Variants in DENND1A observed in about 807,000 individuals in gnomAD.
DENND1A encodes DENN domain containing 1A.
A neutral mutation model predicts 113.7 loss-of-function variants in DENND1A; 51 were observed. That is an observed-to-expected ratio of 0.45 (90% CI 0.36 to 0.57). DENND1A has a LOEUF of 0.57. Ranked by LOEUF, DENND1A falls within the 20% of genes least tolerant of loss-of-function variation. The probability of loss-of-function intolerance (pLI) is 0.00; values close to 1 mark genes in which losing one functional copy is unlikely to be tolerated. For synonymous variants in DENND1A, 565 were observed against 570.8 expected (o/e 0.99, Z 0.14); for missense variants, 1,258 against 1,395.9 (o/e 0.90, Z 1.57).
intron 1 of DENND1A, among the ~76,000 whole-genome samples, chr9:123,891,788 C>T (rs1399646428): frequency 6.6e-6 from 1 of 152,256 alleles, no homozygotes. Flanking sequence ...TCTGAAACAA[C>T]CAAAATTCCA....
At chr9:123,482,683 C>T (rs901914880) in intron 13 of DENND1A, among the ~76,000 whole-genome samples, 56 of 152,338 alleles carry the variant, frequency 3.7e-4, no homozygotes, top group African/African-American at 1.1e-3. Flanking sequence ...CCCCCTGGGA[C>T]AATGGCCTTG....
chr9:123,426,657 T>C (rs780009487), intron 19 of DENND1A, among the ~76,000 whole-genome samples: 3 of 152,196 alleles, frequency 2.0e-5, no homozygotes, highest in Non-Finnish European at 2.9e-5. Flanking sequence ...GGGCAATCAG[T>C]CAGCCATTCT....
intron 5 of DENND1A, among the ~76,000 whole-genome samples, chr9:123,730,025 A>C (rs2068042868): frequency 6.6e-6 from 1 of 152,248 alleles, no homozygotes; most frequent in Non-Finnish European, 1.5e-5. Context: ...TCCCTATTTA[A>C]TAAATGGTGT....
At chr9:123,881,778 T>C (rs1303361141) in intron 1 of DENND1A, among the ~76,000 whole-genome samples, 2 of 152,170 alleles carry the variant, frequency 1.3e-5, no homozygotes, top group Non-Finnish European at 2.9e-5. Flanking sequence ...TTCTGCTGCT[T>C]CTTCCTTTCT....
intron 3 of DENND1A, among the ~76,000 whole-genome samples, chr9:123,792,298 C>G (rs538372104): frequency 6.6e-6 from 1 of 152,222 alleles, no homozygotes; most frequent in South Asian, 2.1e-4. Flanking sequence ...AAAGGATTTC[C>G]TAATGAAGTG....
At chr9:123,864,410 C>T (rs1405510100) in intron 2 of DENND1A, among the ~76,000 whole-genome samples, 1 of 152,136 alleles carries the variant, frequency 6.6e-6, no homozygotes, top group African/African-American at 2.4e-5. Flanking sequence ...GATTCCAGAC[C>T]ACAGGGCAGT....
At chr9:123,493,720 G>A (rs112261826) in intron 13 of DENND1A, among the ~76,000 whole-genome samples, 42 of 152,276 alleles carry the variant, frequency 2.8e-4, no homozygotes, top group Non-Finnish European at 5.7e-4. Context: ...TAGTGGTACC[G>A]AAGAATAGCC....
chr9:123,592,387 A>AATCCT (rs150325728), intron 11 of DENND1A, among the ~76,000 whole-genome samples: 3,816 of 152,304 alleles, frequency 0.025, 125 homozygotes, highest in African/African-American at 0.08. Flanking sequence ...CCTGAGTCTG[A>AATCCT]ATCCTAACTC....
At chr9:123,396,116 G>C (rs1444484377) in intron 21 of DENND1A, among the ~76,000 whole-genome samples, 1 of 152,198 alleles carries the variant, frequency 6.6e-6, no homozygotes, top group Admixed American at 6.5e-5. Context: ...GGAGGTGTTG[G>C]GGTGTCGGAG....
intron 11 of DENND1A, among the ~76,000 whole-genome samples, chr9:123,587,113 A>G (rs144809361): frequency 3.3e-5 from 5 of 151,958 alleles, no homozygotes; most frequent in African/African-American, 1.2e-4. Flanking sequence ...CACTGGATAT[A>G]CCAGCATTTA....
chr9:123,489,931 G>C (rs1234047790), intron 13 of DENND1A, among the ~76,000 whole-genome samples: 1 of 152,180 alleles, frequency 6.6e-6, no homozygotes, highest in Non-Finnish European at 1.5e-5. Flanking sequence ...TAGTCACCTA[G>C]GTTAAAACAC....
At chr9:123,581,992 G>T (rs1159882029) in intron 12 of DENND1A, among the ~76,000 whole-genome samples, 1 of 152,218 alleles carries the variant, frequency 6.6e-6, no homozygotes, top group Non-Finnish European at 1.5e-5. Context: ...ACAGAAGACA[G>T]GTGTATAGGC....
chr9:123,537,050 T>G (rs973917724), intron 13 of DENND1A, among the ~76,000 whole-genome samples: 2 of 152,182 alleles, frequency 1.3e-5, no homozygotes, highest in Non-Finnish European at 2.9e-5. Flanking sequence ...AATGACAGCA[T>G]GCCTGAGAGG....
intron 18 of DENND1A, among the ~76,000 whole-genome samples, chr9:123,447,322 A>G (rs2047377730): frequency 6.6e-6 from 1 of 152,222 alleles, no homozygotes; most frequent in African/African-American, 2.4e-5. Context: ...GGGTTGAAGC[A>G]GAGCAGGTAT....
At chr9:123,738,441 TTCTGTGTGTGTGTG>T (rs937586761) in intron 5 of DENND1A, among the ~76,000 whole-genome samples, 3 of 123,376 alleles carry the variant, frequency 2.4e-5, no homozygotes, top group African/African-American at 3.6e-5. Flanking sequence ...TGTCAACAGC[TTCTGTGTGTGTGTG>T]TGTGTGTGTG....
At chr9:123,732,129 G>A (rs1236835145) in intron 5 of DENND1A, among the ~76,000 whole-genome samples, 1 of 152,172 alleles carries the variant, frequency 6.6e-6, no homozygotes, top group Non-Finnish European at 1.5e-5. Flanking sequence ...TGGAAAGCAG[G>A]CAGTTTCTTA....
intron 5 of DENND1A, among the ~76,000 whole-genome samples, chr9:123,718,302 G>C (rs2067114287): frequency 6.6e-6 from 1 of 152,194 alleles, no homozygotes; most frequent in South Asian, 2.1e-4. Context: ...CAAAATGACA[G>C]AATTTAATGA....
Position 123,653,796 on chromosome 9 carries a change from G to A in DENND1A, c.508-1673C>T, listed in dbSNP as rs547146104. On this transcript the variant is annotated intron_variant, in intron 8 of 23. Transcript: ENST00000394215. ...AAATTACCGTTACCCCATTCACGGAGTGATCTGTATGTGGCAGGCAACAGG... is the reference window on the plus strand; with the variant it reads ...AAATTACCGTTACCCCATTCACGGAATGATCTGTATGTGGCAGGCAACAGG... 1.8e-3 allele frequency among the ~76,000 whole-genome samples: 270 copies of A among 152,090 alleles called. 3 individuals are homozygous for A. Among genetic ancestry groups the A allele is most frequent in the Non-Finnish European group, 3.4e-3 (229 of 68,012 alleles).
At chr9:123,876,895 T>C (rs574880959) in intron 2 of DENND1A, among the ~76,000 whole-genome samples, 2 of 152,296 alleles carry the variant, frequency 1.3e-5, no homozygotes, top group South Asian at 4.1e-4. Context: ...AATGAAATAA[T>C]GTCTTTTGCA....
Sources: gnomAD v4.1 joint callset for allele counts (sites outside exome capture counted in the v4.1 genomes callset) on GRCh38, gnomAD v4.1.1 for gene constraint, MANE v1.5 for transcripts, NCBI Gene and HGNC (gene_info 2026-07-23, HGNC 2026-07-21) for gene names.